Variants in ZNF316 observed in about 807,000 individuals in gnomAD.
ZNF316 encodes the protein zinc finger protein 316.
Under a neutral mutation model 75.6 loss-of-function variants are expected in ZNF316, and 23 were observed. The observed-to-expected ratio is 0.30, with a 90% CI of 0.22 to 0.43. ZNF316 has a LOEUF of 0.43. Ranked by LOEUF, ZNF316 falls within the 20% of genes least tolerant of loss-of-function variation. ZNF316 has a pLI of 1.00. For missense variants in ZNF316, 1,266 were observed against 1,409.4 expected (o/e 0.90, Z 1.63); for synonymous variants, 827 against 666.2 (o/e 1.24, Z -3.72).
At position 6,654,392 on chromosome 7, in the gene ZNF316, C is replaced by A; in HGVS notation, c.2796C>A (p.Thr932=). 8.2e-7 allele frequency: 1 copy of A among 1,216,896 alleles called. No homozygotes were observed. The highest frequency in any genetic ancestry group is 1.0e-6 in the Non-Finnish European group (1 of 978,494). The allele number at this position is 1,216,896 out of a possible 1,614,324, so 75.4% of individuals were successfully genotyped here. ...RRFSQSSHLL[T]HMKTHRGATA... ...TCTCGCAGAGCTCGCACTTGCTCAC[C>A]CACATGAAGACGCACCGCGGAGCCA... is the stretch of plus-strand genomic sequence containing the variant. The change falls in exon 9 of 9, where the codon ACC becomes ACA. Residue 932 remains threonine (T), a synonymous_variant. Coordinates refer to ENST00000382252, the MANE Select transcript of ZNF316 (RefSeq NM_001278559.2).
rs1375132925 is a variant in ZNF316 at position 6,652,862 on chromosome 7, C to G, written c.1266C>G (p.Ile422Met). The change falls in exon 9 of 9, where the codon ATC becomes ATG. Residue 422 changes from isoleucine (I) to methionine (M), a missense_variant. By Grantham distance (10) the Ile-to-Met change is conservative. Transcript: ENST00000382252. Reference sequence around the variant, plus strand: ...CGCACCTGGTTACGCACCGACGCATCCATACTGGCGAGCGGCCCTACCGCT... The same window carrying G: ...CGCACCTGGTTACGCACCGACGCATGCATACTGGCGAGCGGCCCTACCGCT... ...YKSHLVTHRRIHTGERPYRCA... is the reference protein window; with the variant it reads ...YKSHLVTHRRMHTGERPYRCA... 8.0e-7 allele frequency: 1 copy of G among 1,245,200 alleles called. No individual in the cohort carries two copies. The highest frequency in any genetic ancestry group is 1.0e-6 in the Non-Finnish European group (1 of 994,184). The allele number at this position is 1,245,200 out of a possible 1,614,324, so 77.1% of individuals were successfully genotyped here. A position where few individuals can be genotyped will look rare whatever the true frequency, so the allele number is the denominator to read the frequency against.
At chr7:6,644,416 C>T (rs1274998227) in intron 7 of ZNF316, 64 bp from the exon 8 acceptor site, 27 of 894,316 alleles carry the variant, frequency 3.0e-5, no homozygotes, top group Admixed American at 2.6e-4. Flanking sequence ...TGGCACAGCA[C>T]GGGCTGCAGG....
Position 6,640,926 on chromosome 7 carries a change from C to T in ZNF316, c.-166-899C>T, listed in dbSNP as rs1209666987. Among the ~76,000 whole-genome samples, 3 of 152,216 alleles carry T rather than the reference C, an allele frequency of 2.0e-5. No individual in the cohort carries two copies. The highest frequency in any genetic ancestry group is 6.5e-5 in the Admixed American group (1 of 15,282). On this transcript the variant is annotated intron_variant, in intron 3 of 8. Transcript: ENST00000382252. The surrounding 1 kb of genome is among the most constrained non-coding windows in gnomAD (Gnocchi z 5.1). ...TGAGGCCCTCCCCAGAAACAGATGC[C>T]GGCGCCATGTTGGTGCAGCCTGTTG...
rs1168136299 is a variant in ZNF316 at position 6,652,455 on chromosome 7, G to C, written c.859G>C (p.Asp287His). 3 of 1,231,780 alleles carry C rather than the reference G, an allele frequency of 2.4e-6. No homozygotes were observed. The highest frequency in any genetic ancestry group is 1.6e-5 in the African/African-American group (1 of 64,418). 76.3% of individuals were successfully genotyped at this position (1,231,780 alleles called of 1,614,324 possible). A position where few individuals can be genotyped will look rare whatever the true frequency, so the allele number is the denominator to read the frequency against. The change falls in exon 9 of 9, where the codon GAC (aspartate) becomes CAC (histidine). Residue 287 changes from aspartate to histidine, a missense_variant. Around this residue, in one of 3 missense-constraint regions of ZNF316, gnomAD observed 961 missense variants for 990.9 expected, o/e 0.97. Coordinates refer to ENST00000382252, the MANE Select transcript of ZNF316 (RefSeq NM_001278559.2). ...CGTGCCTGGGACGTGGGGGCCCGAC[G>C]ACTCGGATTCGGCGCAGACTCCAGA... ...GDVPGTWGPD[D>H]SDSAQTPEGW...
Position 6,653,077 on chromosome 7 carries a change from T to A in ZNF316, c.1481T>A (p.Phe494Tyr). 8.3e-7 allele frequency: 1 copy of A among 1,204,106 alleles called. No homozygotes were observed. Among genetic ancestry groups the A allele is most frequent in the Non-Finnish European group, 1.0e-6 (1 of 970,922 alleles). 74.6% of individuals were successfully genotyped at this position (1,204,106 alleles called of 1,614,324 possible). A position where few individuals can be genotyped will look rare whatever the true frequency, so the allele number is the denominator to read the frequency against. The change falls in exon 9 of 9, where the codon TTC becomes TAC. Residue 494 changes from phenylalanine to tyrosine, a missense_variant. Phe to Tyr is a conservative substitution (Grantham distance 22). Transcript: ENST00000382252. ...TGCTGTCCCGACTGCGGCCAGGCCT[T>A]CCGCCTGCGCGCCGACTTCCAGCGC... ...PHCCPDCGQA[F>Y]RLRADFQRHR... is the part of the protein sequence containing the mutation.
At position 6,653,504 on chromosome 7, in the gene ZNF316, G is replaced by C; in HGVS notation, c.1908G>C (p.Leu636=). 2 of 1,220,280 alleles carry C rather than the reference G, an allele frequency of 1.6e-6. No individual in the cohort carries two copies. The highest frequency in any genetic ancestry group is 2.0e-6 in the Non-Finnish European group (2 of 980,476). 75.6% of individuals were successfully genotyped at this position (1,220,280 alleles called of 1,614,324 possible). ...PVDGRPLPAP[L]GGPLSLVEGT... Reference sequence around the variant, plus strand: ...ACGGGCGCCCGCTCCCGGCGCCCCTGGGGGGCCCGCTCTCCCTGGTGGAGG... The same window carrying C: ...ACGGGCGCCCGCTCCCGGCGCCCCTCGGGGGCCCGCTCTCCCTGGTGGAGG... The change falls in exon 9 of 9, where the codon CTG becomes CTC. Residue 636 remains leucine (L), a synonymous_variant. Coordinates refer to ENST00000382252, the MANE Select transcript of ZNF316 (RefSeq NM_001278559.2).
chr7:6,655,845 C>G lies in ZNF316; in HGVS notation c.*1234C>G, dbSNP rs1779615891. On this transcript the variant is annotated 3_prime_UTR_variant, in exon 9 of 9. Coordinates refer to ENST00000382252, the MANE Select transcript of ZNF316 (RefSeq NM_001278559.2). The stretch of plus-strand genomic sequence containing the variant: ...AACCAGGCACCCAACTATGCAAGGC[C>G]CCTGCCTGGTGGGCATCCTACCCTC... 1 of 152,412 alleles carries G rather than the reference C, an allele frequency of 6.6e-6. No homozygotes were observed. Among genetic ancestry groups the G allele is most frequent in the Admixed American group, 6.5e-5 (1 of 15,314 alleles). 9.4% of individuals were successfully genotyped at this position (152,412 alleles called of 1,614,324 possible).
chr7:6,651,479 A>C (rs546606683), intron 8 of ZNF316, among the ~76,000 whole-genome samples: 1 of 152,176 alleles, frequency 6.6e-6, no homozygotes, highest in Non-Finnish European at 1.5e-5. Flanking sequence ...ACATGGCGAA[A>C]CTCCATCTCT....
chr7:6,638,428 G>A (rs1779257330), intron 2 of ZNF316, among the ~76,000 whole-genome samples: 1 of 152,174 alleles, frequency 6.6e-6, no homozygotes, highest in African/African-American at 2.4e-5. Context: ...GAATGAAGGG[G>A]GCTAGACACA....
Position 6,652,749 on chromosome 7 carries a change from C to T in ZNF316, c.1153C>T (p.Arg385Cys). Residue 385 changes from arginine (R) to cysteine (C), a missense_variant, in exon 9 of 9, where the codon CGC becomes TGC. Physicochemically the swap from Arg to Cys is radical, Grantham distance 180. Coordinates refer to ENST00000382252, the MANE Select transcript of ZNF316 (RefSeq NM_001278559.2). The stretch of plus-strand genomic sequence containing the variant: ...GGAGTGCGGCAAGGGCTTCGTGTAC[C>T]GCTCGCACTTGGCCATCCACCAGCG... ...CEECGKGFVY[R>C]SHLAIHQRTH... 2 of 1,257,190 alleles carry T rather than the reference C, an allele frequency of 1.6e-6. No homozygotes were observed. Among genetic ancestry groups the T allele is most frequent in the Non-Finnish European group, 2.0e-6 (2 of 1,000,558 alleles). The allele number at this position is 1,257,190 out of a possible 1,614,324, so 77.9% of individuals were successfully genotyped here.
Position 6,641,968 on chromosome 7 carries a change from C to A in ZNF316, c.-29+6C>A. ...TCATGTGTGTTGAGGACCAGGTAAG[C>A]GTCTCTTTGTCCTGTGTATCAGGTG... On this transcript the variant is annotated splice_donor_region_variant and intron_variant, in intron 4 of 8. Coordinates refer to ENST00000382252, the MANE Select transcript of ZNF316 (RefSeq NM_001278559.2). 6.4e-6 allele frequency: 1 copy of A among 155,586 alleles called. No individual in the cohort carries two copies. The allele number at this position is 155,586 out of a possible 1,614,324, so 9.6% of individuals were successfully genotyped here. A position where few individuals can be genotyped will look rare whatever the true frequency, so the allele number is the denominator to read the frequency against.
Position 6,652,766 on chromosome 7 carries a change from C to T in ZNF316, c.1170C>T (p.Ile390=). ...KGFVYRSHLA[I]HQRTHTGEKP... is the part of the protein sequence containing the mutation. Reference sequence around the variant, plus strand: ...TCGTGTACCGCTCGCACTTGGCCATCCACCAGCGCACGCACACCGGCGAGA... The same window carrying T: ...TCGTGTACCGCTCGCACTTGGCCATTCACCAGCGCACGCACACCGGCGAGA... The change falls in exon 9 of 9, where the codon ATC becomes ATT. Residue 390 remains isoleucine (I), a synonymous_variant. Coordinates refer to ENST00000382252, the MANE Select transcript of ZNF316 (RefSeq NM_001278559.2). 2 of 1,269,380 alleles carry T rather than the reference C, an allele frequency of 1.6e-6. No individual in the cohort carries two copies. The highest frequency in any genetic ancestry group is 2.0e-6 in the Non-Finnish European group (2 of 1,007,076). 78.6% of individuals were successfully genotyped at this position (1,269,380 alleles called of 1,614,324 possible).
Position 6,654,404 on chromosome 7 carries a change from G to A in ZNF316, c.2808G>A (p.Thr936=), listed in dbSNP as rs933880174. The A allele has an allele frequency of 4.1e-6, 5 of 1,213,508 alleles. No homozygotes were observed. Among genetic ancestry groups the A allele is most frequent in the African/African-American group, 1.6e-5 (1 of 63,606 alleles). The allele number at this position is 1,213,508 out of a possible 1,614,324, so 75.2% of individuals were successfully genotyped here. A position where few individuals can be genotyped will look rare whatever the true frequency, so the allele number is the denominator to read the frequency against. Reference sequence around the variant, plus strand: ...CGCACTTGCTCACCCACATGAAGACGCACCGCGGAGCCACCGCAGCGCCGG... The same window carrying A: ...CGCACTTGCTCACCCACATGAAGACACACCGCGGAGCCACCGCAGCGCCGG... ...QSSHLLTHMK[T]HRGATAAPGS... Residue 936 remains threonine, a synonymous_variant, in exon 9 of 9, where the codon ACG becomes ACA. Coordinates refer to ENST00000382252, the MANE Select transcript of ZNF316 (RefSeq NM_001278559.2).
rs1779572624 is a variant in ZNF316 at position 6,654,176 on chromosome 7, C to T, written c.2580C>T (p.Arg860=). 1.9e-5 allele frequency: 23 copies of T among 1,223,028 alleles called. No individual in the cohort carries two copies. Among genetic ancestry groups the T allele is most frequent in the South Asian group, 3.8e-5 (1 of 26,340 alleles). 75.8% of individuals were successfully genotyped at this position (1,223,028 alleles called of 1,614,324 possible). Residue 860 remains arginine, a synonymous_variant, in exon 9 of 9, where the codon CGC becomes CGT. Coordinates refer to ENST00000382252, the MANE Select transcript of ZNF316 (RefSeq NM_001278559.2). ...RRTHTGEKPF[R]CADCGRGFAQ... ...CGCACACGGGCGAGAAGCCCTTCCG[C>T]TGCGCCGACTGCGGCCGCGGCTTCG...
At chr7:6,643,696 C>A in intron 6 of ZNF316, 126 bp from the exon 7 acceptor site, 1 of 861,582 alleles carries the variant, frequency 1.2e-6, no homozygotes, top group Non-Finnish European at 1.5e-6. Flanking sequence ...GGCCTGAAAG[C>A]CCTCAGTGCC....
intron 8 of ZNF316, among the ~76,000 whole-genome samples, chr7:6,646,782 G>A (rs1258634417): frequency 6.6e-6 from 1 of 152,132 alleles, no homozygotes; most frequent in Non-Finnish European, 1.5e-5. Flanking sequence ...GGGCAGGACA[G>A]AGGCTGCCTG....
Position 6,643,018 on chromosome 7 carries a change from A to G in ZNF316, c.410A>G (p.Glu137Gly). 8.1e-7 allele frequency: 1 copy of G among 1,239,410 alleles called. No individual in the cohort carries two copies. The highest frequency in any genetic ancestry group is 1.0e-6 in the Non-Finnish European group (1 of 992,714). 76.8% of individuals were successfully genotyped at this position (1,239,410 alleles called of 1,614,324 possible). A position where few individuals can be genotyped will look rare whatever the true frequency, so the allele number is the denominator to read the frequency against. ...ATPRDEDLEE[E>G]EEEEEDEDED... is the part of the protein sequence containing the mutation. ...CCTAGGGATGAGGACCTGGAGGAGGAGGAAGAGGAGGAGGAGGATGAGGAC... is the reference window on the plus strand; with the variant it reads ...CCTAGGGATGAGGACCTGGAGGAGGGGGAAGAGGAGGAGGAGGATGAGGAC... Residue 137 changes from glutamate to glycine, a missense_variant, in exon 6 of 9, where the codon GAG becomes GGG. By Grantham distance (98) the Glu-to-Gly change is moderately conservative. This residue lies in a region of ZNF316 where 961 missense variants were observed against 990.9 expected (regional missense o/e 0.97). Transcript: ENST00000382252.
chr7:6,650,497 G>A (rs1779488589), intron 8 of ZNF316, among the ~76,000 whole-genome samples: 1 of 152,202 alleles, frequency 6.6e-6, no homozygotes, highest in African/African-American at 2.4e-5. Context: ...GTGTGGGTCT[G>A]TGTTTTCCTG....
In ZNF316 at chr7:6,637,821, T is replaced by C. The variant is rs1354826567; in HGVS notation, c.-430-25T>C. Reference sequence around the variant, plus strand: ...CGCGGCCGCCCCCAGGACACACCCATCCAGGAGGGGCTGTCATCGTCTAGG... The same window carrying C: ...CGCGGCCGCCCCCAGGACACACCCACCCAGGAGGGGCTGTCATCGTCTAGG... On this transcript the variant is annotated intron_variant, in intron 1 of 8. Transcript: ENST00000382252. This position sits in a 1 kb window ranked among gnomAD's most constrained non-coding sequence, Gnocchi z 6.2. 6.6e-6 allele frequency: 1 copy of C among 151,816 alleles called. No individual in the cohort carries two copies. The highest frequency in any genetic ancestry group is 1.5e-5 in the Non-Finnish European group (1 of 67,944). 9.4% of individuals were successfully genotyped at this position (151,816 alleles called of 1,614,324 possible).
Sources: allele counts gnomAD v4.1 joint callset (sites outside exome capture counted in the v4.1 genomes callset), GRCh38; gene constraint gnomAD v4.1.1; regional missense constraint gnomAD v4.1.1; non-coding constraint Gnocchi (gnomAD v3.1); transcripts MANE v1.5; gene names NCBI Gene and HGNC (gene_info 2026-07-23, HGNC 2026-07-21).